ANK2: variants seen among roughly 807,000 people sequenced by gnomAD.
The protein encoded by ANK2 is ankyrin-2.
ANK2 carries 83 observed loss-of-function variants against 360.5 expected under a neutral mutation model. The ratio of observed to expected loss-of-function variants is 0.23; its 90% CI spans 0.19 to 0.28. ANK2 has a LOEUF of 0.28. Ranked by LOEUF, ANK2 falls within the 10% of genes least tolerant of loss-of-function variation. The pLI is 1.00. For synonymous variants in ANK2, 1,740 were observed against 1,759.5 expected (o/e 0.99, Z 0.28); for missense variants, 4,201 against 4,795.7 (o/e 0.88, Z 3.66).
Position 113,277,869 on chromosome 4 carries a change from G to A in ANK2, c.1716G>A (p.Lys572=), listed in dbSNP as rs1252426929. The change falls in exon 16 of 46, where the codon AAG becomes AAA. Residue 572 remains lysine (K), a synonymous_variant. Coordinates refer to ENST00000357077, the MANE Select transcript of ANK2 (RefSeq NM_001148.6). ...TTACTCCCCTGCATGTAGCAGCCAA[G>A]TATGGAAGCCTGGATGTGGCAAAAC... ...KGFTPLHVAA[K]YGSLDVAKLL... The A allele has an allele frequency of 2.5e-6, 4 of 1,614,074 alleles. No individual in the cohort carries two copies. Among genetic ancestry groups the A allele is most frequent in the South Asian group, 2.2e-5 (2 of 91,088 alleles).
At chr4:112,811,227 G>A in the ANK2 span, among the ~76,000 whole-genome samples, 2 of 152,046 alleles carry the variant, frequency 1.3e-5, no homozygotes, top group Non-Finnish European at 2.9e-5. Flanking sequence ...GTGAGCCACC[G>A]CGCCCGGCCA....
intron 2 of ANK2, among the ~76,000 whole-genome samples, chr4:113,001,361 T>C (rs1017497404): frequency 2.0e-5 from 3 of 149,940 alleles, no homozygotes; most frequent in Admixed American, 2.0e-4. Context: ...AGGTGAAACT[T>C]TATGCTTGAC....
chr4:112,945,379 A>T, intron 2 of ANK2, among the ~76,000 whole-genome samples: 1 of 152,244 alleles, frequency 6.6e-6, no homozygotes, highest in East Asian at 1.9e-4. Context: ...AATATTTCTG[A>T]CTACCATTTA....
At chr4:112,796,580 C>A in the ANK2 span, among the ~76,000 whole-genome samples, 1 of 151,492 alleles carries the variant, frequency 6.6e-6, no homozygotes, top group Non-Finnish European at 1.5e-5. Context: ...GAACTTCTGG[C>A]CTCAAGCAAT....
chr4:113,315,731 T>C (rs182035454), intron 24 of ANK2, among the ~76,000 whole-genome samples: 6 of 151,396 alleles, frequency 4.0e-5, no homozygotes, highest in Non-Finnish European at 8.8e-5. Flanking sequence ...ACCCTGTCTC[T>C]ACTAAAAATA....
At chr4:113,065,805 G>A (rs1040413517) in intron 1 of ANK2, among the ~76,000 whole-genome samples, 4 of 152,276 alleles carry the variant, frequency 2.6e-5, no homozygotes, top group East Asian at 1.9e-4. Context: ...TATCTACAAC[G>A]TTATTACACA....
chr4:113,131,883 A>T (rs1034334316), intron 1 of ANK2, among the ~76,000 whole-genome samples: 4 of 152,248 alleles, frequency 2.6e-5, no homozygotes, highest in African/African-American at 9.6e-5. Context: ...ATAAAAACAC[A>T]TCCGGGCAAG....
rs551034290 is a variant in ANK2, at chr4:112,917,280, A to G, written c.21+12766A>G. Reference sequence around the variant, plus strand: ...GTGGATCTAAAATGCATTCCTTTTCATATTACATCCTGGTCAATTCTACAA... The same window carrying G: ...GTGGATCTAAAATGCATTCCTTTTCGTATTACATCCTGGTCAATTCTACAA... On this transcript the variant is annotated intron_variant, in intron 2 of 30. Transcript: ENST00000503271. 4.0e-4 allele frequency among the ~76,000 whole-genome samples: 61 copies of G among 152,350 alleles called. No individual in the cohort carries two copies. The South Asian group carries it at 9.9e-3, about 25-fold the overall frequency.
chr4:112,791,334 G>A, the ANK2 span, among the ~76,000 whole-genome samples: 1 of 152,214 alleles, frequency 6.6e-6, no homozygotes, highest in African/African-American at 2.4e-5. Context: ...GCAAGGTAAA[G>A]CTGTAGATTT....
chr4:112,950,835 C>T (rs2094913111), intron 2 of ANK2, among the ~76,000 whole-genome samples: 1 of 150,766 alleles, frequency 6.6e-6, no homozygotes, highest in South Asian at 2.1e-4. Context: ...GTAATCCCAG[C>T]ACTTTGGGAG....
chr4:112,968,470 G>A (rs1223397425), intron 2 of ANK2, among the ~76,000 whole-genome samples: 1 of 152,192 alleles, frequency 6.6e-6, no homozygotes, highest in Non-Finnish European at 1.5e-5. Flanking sequence ...CTCTGGGCCA[G>A]ATTTTTTCTT....
chr4:113,283,013 A>G, intron 18 of ANK2, 141 bp downstream of exon 18: 1 of 944,400 alleles, frequency 1.1e-6, no homozygotes, highest in Non-Finnish European at 1.6e-6. Flanking sequence ...ACAGGAAGGG[A>G]GTCAAGCCTT....
chr4:112,899,456 C>T (rs1310220562), intron 1 of ANK2, among the ~76,000 whole-genome samples: 2 of 151,996 alleles, frequency 1.3e-5, no homozygotes, highest in African/African-American at 4.8e-5. Flanking sequence ...TCCCTCTGGC[C>T]CCATAAAAAC....
In ANK2 at chr4:113,336,043, C is replaced by G; in HGVS notation, c.3577C>G (p.Arg1193Gly). Residue 1193 changes from arginine (R) to glycine (G), a missense_variant, in exon 30 of 46, where the codon CGC (arginine) becomes GGC (glycine). This residue lies in a region of ANK2 where 1,268 missense variants were observed against 1,650.8 expected (regional missense o/e 0.77). Transcript: ENST00000357077. ...AGAGGGGGCACTCACCAAGCGGATC[C>G]GCGTAGGCCTGCAGGTATGCCCATG... ...FPEGALTKRI[R>G]VGLQAQPMHS... 3 of 1,613,878 alleles carry G rather than the reference C, an allele frequency of 1.9e-6. No homozygotes were observed. Among genetic ancestry groups the G allele is most frequent in the Non-Finnish European group, 2.5e-6 (3 of 1,179,964 alleles).
At chr4:113,028,698 A>G (rs1452306235) in intron 2 of ANK2, among the ~76,000 whole-genome samples, 1 of 152,166 alleles carries the variant, frequency 6.6e-6, no homozygotes, top group East Asian at 1.9e-4. Context: ...ACCTTGTCCT[A>G]CTAAGATAAC....
At chr4:112,776,855 C>G in the ANK2 span, among the ~76,000 whole-genome samples, 1 of 152,082 alleles carries the variant, frequency 6.6e-6, no homozygotes, top group Non-Finnish European at 1.5e-5. Flanking sequence ...CTAGGAATCC[C>G]TCTCACTCTG....
At chr4:112,815,853 T>C (rs2055587423), upstream of ANK2, among the ~76,000 whole-genome samples, 2 of 152,250 alleles carry the variant, frequency 1.3e-5, no homozygotes, top group Non-Finnish European at 1.5e-5. Flanking sequence ...CTCTGGACAC[T>C]TGGAGACCTC....
intron 1 of ANK2, among the ~76,000 whole-genome samples, chr4:112,877,569 G>C (rs2075476758): frequency 1.3e-5 from 2 of 152,226 alleles, no homozygotes; most frequent in Admixed American, 1.3e-4. Flanking sequence ...AGCTACAAAG[G>C]ATAGGATACA....
the ANK2 span, among the ~76,000 whole-genome samples, chr4:112,746,841 C>T: frequency 6.6e-6 from 1 of 152,120 alleles, no homozygotes; most frequent in Non-Finnish European, 1.5e-5. Context: ...TTGACATATT[C>T]AATGATAAAA....
Sources: gnomAD v4.1 joint callset for allele counts (sites outside exome capture counted in the v4.1 genomes callset) on GRCh38, gnomAD v4.1.1 for gene constraint, gnomAD v4.1.1 regional missense constraint, MANE v1.5 for transcripts, NCBI Gene and HGNC (gene_info 2026-07-23, HGNC 2026-07-21) for gene names.